LPP: variants seen among roughly 807,000 people sequenced by gnomAD.
LPP encodes the protein LIM domain containing preferred translocation partner in lipoma, also known as lipoma-preferred partner.
Under a neutral mutation model 60.4 loss-of-function variants are expected in LPP, and 38 were observed. The observed-to-expected ratio is 0.63, with a 90% CI of 0.49 to 0.83. The LOEUF (loss-of-function observed/expected upper bound fraction) is 0.83, where lower values mean the gene tolerates loss of function less well. Among genes scored for constraint, LPP ranks in the 40% least tolerant of loss-of-function variants. The pLI is 0.00. For synonymous variants in LPP, 328 were observed against 290.8 expected, an observed-to-expected ratio of 1.13 and a Z score of -1.30; for missense variants, 902 against 783.6, an observed-to-expected ratio of 1.15 and a Z score of -1.80.
At chr3:188,494,355 T>C (rs73890525) in intron 5 of LPP, among the ~76,000 whole-genome samples, 4,644 of 152,278 alleles carry the variant, frequency 0.03, 239 homozygotes, top group African/African-American at 0.1. Context: ...CAAGCCCCTT[T>C]GATTTCCTCC....
chr3:188,597,232 G>A (rs1840163956), intron 6 of LPP, among the ~76,000 whole-genome samples: 1 of 152,148 alleles, frequency 6.6e-6, no homozygotes, highest in Non-Finnish European at 1.5e-5. Flanking sequence ...ACAGTTATGT[G>A]AGGAATACTG....
At chr3:188,185,310 G>A (rs1034500702) in intron 1 of LPP, among the ~76,000 whole-genome samples, 1 of 152,076 alleles carries the variant, frequency 6.6e-6, no homozygotes, top group Non-Finnish European at 1.5e-5. Flanking sequence ...GGCACAGGTT[G>A]CAGGGAAGGA....
intron 7 of LPP, among the ~76,000 whole-genome samples, chr3:188,640,386 G>C: frequency 9.0e-6 from 1 of 110,944 alleles, no homozygotes; most frequent in Non-Finnish European, 1.8e-5. Context: ...GGGGAGGGGG[G>C]AGGGATAGCA....
rs1196081454 is a variant in LPP, at chr3:188,609,983, T to G, written c.1113+139T>G. 1.1e-5 allele frequency: 9 copies of G among 822,626 alleles called. No individual in the cohort carries two copies. Among genetic ancestry groups the G allele is most frequent in the Admixed American group, 2.9e-5 (1 of 34,712 alleles). The allele number at this position is 822,626 out of a possible 1,614,324, so 51.0% of individuals were successfully genotyped here. ...AAATACAATCCCAGGGAAGGATGAG[T>G]GAAGCCAGAGAGGAGAGAGAGACTA... On this transcript the variant is annotated intron_variant, in intron 7 of 11. Coordinates refer to ENST00000617246, the MANE Select transcript of LPP (RefSeq NM_001375462.1). The surrounding 1 kb of genome is among the most constrained non-coding windows in gnomAD (Gnocchi z 6.9).
intron 8 of LPP, among the ~76,000 whole-genome samples, chr3:188,719,716 C>T (rs1337040673): frequency 6.6e-6 from 1 of 152,156 alleles, no homozygotes; most frequent in East Asian, 1.9e-4. Context: ...GTGAACTCAG[C>T]TCCTTTTCCC....
intron 9 of LPP, among the ~76,000 whole-genome samples, chr3:188,849,025 G>A (rs571723378): frequency 1.3e-5 from 2 of 151,626 alleles, no homozygotes; most frequent in South Asian, 4.2e-4. Flanking sequence ...ATTAAACATT[G>A]TTTAATTAAA....
chr3:188,653,610 A>G (rs1852530508), intron 7 of LPP, among the ~76,000 whole-genome samples: 1 of 152,058 alleles, frequency 6.6e-6, no homozygotes, highest in African/African-American at 2.4e-5. Flanking sequence ...CTGCAAAAAT[A>G]TTTTTTACTA....
At chr3:188,718,078 C>G (rs1185342128) in intron 8 of LPP, among the ~76,000 whole-genome samples, 1 of 152,166 alleles carries the variant, frequency 6.6e-6, no homozygotes, top group African/African-American at 2.4e-5. Flanking sequence ...GCCTCGGCCT[C>G]CCAAAAGTGC....
chr3:188,317,234 GT>G lies in LPP; in HGVS notation c.-66-24417del, dbSNP rs201476275. 3.2e-3 allele frequency among the ~76,000 whole-genome samples: 476 copies of G among 146,510 alleles called. 4 individuals are homozygous for G. The highest frequency in any genetic ancestry group is 0.01 in the African/African-American group (409 of 40,106). On this transcript the variant is annotated intron_variant, in intron 2 of 11. Coordinates refer to ENST00000617246, the MANE Select transcript of LPP (RefSeq NM_001375462.1). ...TCAGTTGGAAAACTTTTTTTTTTAAGTTTTTTTTTTTTCTCTGTATCTAAGT... is the reference window on the plus strand; with the variant it reads ...TCAGTTGGAAAACTTTTTTTTTTAAGTTTTTTTTTTTCTCTGTATCTAAGT...
At chr3:188,188,874 G>A (rs1432395756) in intron 1 of LPP, among the ~76,000 whole-genome samples, 2 of 152,096 alleles carry the variant, frequency 1.3e-5, no homozygotes, top group African/African-American at 2.4e-5. Flanking sequence ...CACAAAAATA[G>A]GATCCTTGTC....
intron 7 of LPP, among the ~76,000 whole-genome samples, chr3:188,702,244 C>T (rs577447267): frequency 2.6e-5 from 4 of 152,230 alleles, no homozygotes; most frequent in East Asian, 3.9e-4. Flanking sequence ...GCGTAAGCCA[C>T]CACGCCCAGC....
In LPP at chr3:188,624,054, A is replaced by T. The variant is rs144356700; in HGVS notation, c.1113+14210A>T. ...AAGAGGAAAGTACTGCTGAGTTCTG[A>T]TAGATGCAAGACAAGCTAAAGACCT... On this transcript the variant is annotated intron_variant, in intron 7 of 11. Transcript: ENST00000617246. Among the ~76,000 whole-genome samples, 455 of 152,340 alleles carry T rather than the reference A, an allele frequency of 3.0e-3. 3 individuals carry two copies. Among genetic ancestry groups the T allele is most frequent in the African/African-American group, 0.011 (438 of 41,568 alleles).
intron 8 of LPP, among the ~76,000 whole-genome samples, chr3:188,721,450 A>G (rs1349917698): frequency 1.3e-5 from 2 of 152,130 alleles, no homozygotes; most frequent in Non-Finnish European, 2.9e-5. Context: ...GCTACTCATG[A>G]GGCTGAGATA....
chr3:188,241,384 G>A (rs1207136509), intron 2 of LPP, among the ~76,000 whole-genome samples: 2 of 152,226 alleles, frequency 1.3e-5, no homozygotes, highest in Non-Finnish European at 2.9e-5. Context: ...GACATGCTGT[G>A]TTAGGGATTT....
intron 6 of LPP, among the ~76,000 whole-genome samples, chr3:188,531,753 A>G (rs528891093): frequency 6.6e-6 from 1 of 152,226 alleles, no homozygotes; most frequent in East Asian, 1.9e-4. Flanking sequence ...GTCCATCTTT[A>G]TCCTTTATCG....
At position 188,514,204 on chromosome 3, in the gene LPP, C is replaced by T. The variant is rs139470409; in HGVS notation, c.307-10461C>T. Among the ~76,000 whole-genome samples, 331 of 152,048 alleles carry T rather than the reference C, an allele frequency of 2.2e-3. 2 individuals carry two copies. The highest frequency in any genetic ancestry group is 7.7e-3 in the African/African-American group (319 of 41,474). On this transcript the variant is annotated intron_variant, in intron 5 of 11. Transcript: ENST00000617246. ...GGGTCAGGGCAGATCTGTGGCTGAA[C>T]TCTTCCATCTATTTTTCTTCTCATT... is the stretch of plus-strand genomic sequence containing the variant.
intron 8 of LPP, among the ~76,000 whole-genome samples, chr3:188,743,155 T>C (rs1306716003): frequency 1.3e-5 from 2 of 152,198 alleles, no homozygotes; most frequent in Non-Finnish European, 2.9e-5. Flanking sequence ...AATATCTTTA[T>C]AGAACTTTTC....
intron 1 of LPP, among the ~76,000 whole-genome samples, chr3:188,172,985 A>C (rs1020082892): frequency 2.0e-5 from 3 of 152,162 alleles, no homozygotes; most frequent in African/African-American, 7.2e-5. Context: ...CTCCCACCTC[A>C]GCCTCTGGGG....
At chr3:188,328,460 A>C (rs1759068103) in intron 2 of LPP, among the ~76,000 whole-genome samples, 1 of 152,216 alleles carries the variant, frequency 6.6e-6, no homozygotes, top group Non-Finnish European at 1.5e-5. Flanking sequence ...AGTAGATGTA[A>C]GGTTTTCAAA....
Sources: gnomAD v4.1 joint callset for allele counts (sites outside exome capture counted in the v4.1 genomes callset) on GRCh38, gnomAD v4.1.1 for gene constraint, Gnocchi (gnomAD v3.1) non-coding constraint, MANE v1.5 for transcripts, NCBI Gene and HGNC (gene_info 2026-07-23, HGNC 2026-07-21) for gene names.